The following PELP1 variants were observed in gnomAD, a reference collection of about 807,000 sequenced individuals.
PELP1 encodes the protein proline-, glutamic acid- and leucine-rich protein 1.
A neutral mutation model predicts 95.5 loss-of-function variants in PELP1; 32 were observed. That is an observed-to-expected ratio of 0.34 (90% CI 0.25 to 0.45). PELP1 has a LOEUF of 0.45. Among genes scored for constraint, PELP1 ranks in the 20% least tolerant of loss-of-function variants. PELP1 has a pLI of 1.00. For missense variants in PELP1, 1,358 were observed against 1,444.8 expected (o/e 0.94, Z 0.97); for synonymous variants, 668 against 600.1 (o/e 1.11, Z -1.65).
Position 4,673,236 on chromosome 17 carries a change from C to A in PELP1, c.1845+14G>T. The A allele has an allele frequency of 6.4e-7, 1 of 1,559,386 alleles. No homozygotes were observed. The highest frequency in any genetic ancestry group is 8.7e-7 in the Non-Finnish European group (1 of 1,150,180). ...CTCCAGGAACCAAAGAGGGGCTTGG[C>A]CCATCACAGTTACCTCAAGGCTATC... On this transcript the variant is annotated intron_variant, in intron 15 of 16. Coordinates refer to ENST00000572293, the MANE Select transcript of PELP1 (RefSeq NM_014389.3). This position sits in a 1 kb window ranked among gnomAD's most constrained non-coding sequence, Gnocchi z 5.7.
At chr17:4,679,947 G>T (rs537388689) in intron 5 of PELP1, among the ~76,000 whole-genome samples, 1 of 152,242 alleles carries the variant, frequency 6.6e-6, no homozygotes, top group African/African-American at 2.4e-5. Flanking sequence ...TGATCACAGC[G>T]CTCAGGCCGA....
chr17:4,691,693 A>G, intron 1 of PELP1: 1 of 494,602 alleles, frequency 2.0e-6, no homozygotes, highest in Non-Finnish European at 3.6e-6. Flanking sequence ...AGTAGTGCCA[A>G]ACACAGGACA....
At chr17:4,698,391 G>A (rs1403507448) in intron 1 of PELP1, among the ~76,000 whole-genome samples, 1 of 151,796 alleles carries the variant, frequency 6.6e-6, no homozygotes, top group African/African-American at 2.4e-5. Context: ...CCAGCACTTC[G>A]GGAGGACAAC....
At chr17:4,682,712 A>T in intron 4 of PELP1, 91 bp downstream of exon 4, 1 of 1,459,998 alleles carries the variant, frequency 6.8e-7, no homozygotes, top group Non-Finnish European at 9.3e-7. Context: ...CTTCAATCCT[A>T]TTCCCCAGTC....
In PELP1 at chr17:4,676,741, C is replaced by A. The variant is rs769830631; in HGVS notation, c.702+12G>T. 1 of 1,563,616 alleles carries A rather than the reference C, an allele frequency of 6.4e-7. No homozygotes were observed. The highest frequency in any genetic ancestry group is 1.2e-5 in the South Asian group (1 of 84,970). On this transcript the variant is annotated intron_variant, in intron 6 of 16. Coordinates refer to ENST00000572293, the MANE Select transcript of PELP1 (RefSeq NM_014389.3). ...GATCCCCGGGCTCTCCCTCTCCCTC[C>A]CTGCCCTTTACCTGTTGGAGCTGAG...
Position 4,673,502 on chromosome 17 carries a change from A to AC in PELP1, c.1639-47dup, listed in dbSNP as rs1363323831. ...CTGGAAACATCCCCAAGACCACCCA[A>AC]CCCTTCTCCAGAGCCTACTCCCAGG... On this transcript the variant is annotated intron_variant, in intron 14 of 16. Transcript: ENST00000572293. This position sits in a 1 kb window ranked among gnomAD's most constrained non-coding sequence, Gnocchi z 5.7. 3.2e-6 allele frequency: 5 copies of AC among 1,561,902 alleles called. No homozygotes were observed. In the South Asian group the frequency reaches 5.6e-5, roughly 18 times the overall value.
At chr17:4,681,854 A>T (rs1276962414) in intron 5 of PELP1, among the ~76,000 whole-genome samples, 2 of 151,208 alleles carry the variant, frequency 1.3e-5, no homozygotes, top group African/African-American at 4.9e-5. Context: ...TAAAAATTTA[A>T]AAAAAAAATG....
In PELP1 at chr17:4,675,475, CCT is replaced by C; in HGVS notation, c.1069-115_1069-114del. The C allele has an allele frequency of 1.3e-6, 1 of 757,900 alleles. No individual in the cohort carries two copies. Among genetic ancestry groups the C allele is most frequent in the Non-Finnish European group, 2.3e-6 (1 of 434,730 alleles). The allele number at this position is 757,900 out of a possible 1,614,324, so 46.9% of individuals were successfully genotyped here. ...GTACACATAGGTAAGAAACCCAACC[CCT>C]GATCTCAGCTCTCCCAACAAAATCA... On this transcript the variant is annotated intron_variant, in intron 9 of 16. Coordinates refer to ENST00000572293, the MANE Select transcript of PELP1 (RefSeq NM_014389.3). The surrounding 1 kb of genome is among the most constrained non-coding windows in gnomAD (Gnocchi z 4.3).
Position 4,674,901 on chromosome 17 carries a change from C to A in PELP1, c.1330G>T (p.Ala444Ser). ...ILELWVQVCG[A>S]SAGMLQGGAS... The stretch of plus-strand genomic sequence containing the variant: ...CCTCCCTGAAGCATTCCCGCCGAGG[C>A]CCCACAAACCTGCACCCACAGCTCT... Residue 444 changes from alanine (A) to serine (S), a missense_variant, in exon 12 of 17, where the codon GCC becomes TCC. Around this residue, in one of 7 missense-constraint regions of PELP1, gnomAD observed 538 missense variants for 628.1 expected, o/e 0.86. Transcript: ENST00000572293. 6.2e-7 allele frequency: 1 copy of A among 1,613,716 alleles called. No individual in the cohort carries two copies. Among genetic ancestry groups the A allele is most frequent in the South Asian group, 1.1e-5 (1 of 91,080 alleles).
At chr17:4,671,646 G>T in intron 16 of PELP1, 45 bp downstream of exon 16, 3 of 1,600,608 alleles carry the variant, frequency 1.9e-6, no homozygotes, top group Non-Finnish European at 2.6e-6. Flanking sequence ...TCTCCCGCCA[G>T]CCCCACCTTC....
chr17:4,672,155 C>G lies in PELP1; in HGVS notation c.2836G>C (p.Glu946Gln). ...EEEEGELEEE[E>Q]EEEDEEEEEE... The stretch of plus-strand genomic sequence containing the variant: ...TCCTCCTCCTCATCCTCCTCTTCTT[C>G]TTCTTCCTCTAACTCACCTTCTTCT... Residue 946 changes from glutamate (E) to glutamine (Q), a missense_variant, in exon 16 of 17, where the codon GAA becomes CAA. Transcript: ENST00000572293. 6.4e-7 allele frequency: 1 copy of G among 1,552,280 alleles called. No homozygotes were observed.
At chr17:4,690,424 T>C (rs1436792710) in intron 3 of PELP1, among the ~76,000 whole-genome samples, 1 of 151,702 alleles carries the variant, frequency 6.6e-6, no homozygotes, top group Non-Finnish European at 1.5e-5. Context: ...ACTACTGAAA[T>C]AAAAATATAT....
Position 4,672,813 on chromosome 17 carries a change from G to T in PELP1, c.2178C>A (p.Gly726=). ...LVSVPPRLLP[G]PENHRAGSNE... Reference sequence around the variant, plus strand: ...TTGAGCCTGCCCGGTGGTTCTCAGGGCCAGGAAGAAGCCGGGGAGGGACAG... The same window carrying T: ...TTGAGCCTGCCCGGTGGTTCTCAGGTCCAGGAAGAAGCCGGGGAGGGACAG... Residue 726 remains glycine, a synonymous_variant, in exon 16 of 17, where the codon GGC becomes GGA. Coordinates refer to ENST00000572293, the MANE Select transcript of PELP1 (RefSeq NM_014389.3). The T allele has an allele frequency of 1.2e-6, 2 of 1,613,880 alleles. No individual in the cohort carries two copies. The highest frequency in any genetic ancestry group is 1.7e-6 in the Non-Finnish European group (2 of 1,179,816).
rs142047211 is a variant in PELP1, at chr17:4,695,848, G to A, written c.250-4406C>T. On this transcript the variant is annotated intron_variant, in intron 1 of 16. Coordinates refer to ENST00000572293, the MANE Select transcript of PELP1 (RefSeq NM_014389.3). Reference sequence around the variant, plus strand: ...CTAAAAATACAAAAATTAGCCAGACGTGGTGGTGTGGTTTCACCATATTGG... The same window carrying A: ...CTAAAAATACAAAAATTAGCCAGACATGGTGGTGTGGTTTCACCATATTGG... 4.2e-4 allele frequency among the ~76,000 whole-genome samples: 64 copies of A among 151,442 alleles called. 1 individual carries two copies. In the East Asian group the frequency reaches 0.012, roughly 28 times the overall value.
chr17:4,671,419 G>T lies in PELP1; in HGVS notation c.*20C>A. 8.1e-7 allele frequency: 1 copy of T among 1,238,770 alleles called. No homozygotes were observed. Among genetic ancestry groups the T allele is most frequent in the Non-Finnish European group, 1.2e-6 (1 of 837,252 alleles). The allele number at this position is 1,238,770 out of a possible 1,614,324, so 76.7% of individuals were successfully genotyped here. ...AGGACATAACTTTATTGGAAACAAA[G>T]AGTGGGGTGCAGAAGATGGCTAGGA... On this transcript the variant is annotated 3_prime_UTR_variant, in exon 17 of 17. Transcript: ENST00000572293.
At chr17:4,696,695 AATG>A (rs1913310845) in intron 1 of PELP1, 1 of 152,232 alleles carries the variant, frequency 6.6e-6, no homozygotes, top group Non-Finnish European at 1.5e-5. Context: ...ATTCCAGACA[AATG>A]ATGATGCAGC....
In PELP1 at chr17:4,673,036, G is replaced by C. The variant is rs755239224; in HGVS notation, c.1955C>G (p.Pro652Arg). ...GAAGGGCGATGGGGCCTCAGGAGGGGGAACTGGAGCAGGTGTGGGGCAGGT... is the reference window on the plus strand; with the variant it reads ...GAAGGGCGATGGGGCCTCAGGAGGGCGAACTGGAGCAGGTGTGGGGCAGGT... Reference protein sequence around the residue: ...GPTCPTPAPVPPPEAPSPFRA... With the variant: ...GPTCPTPAPVRPPEAPSPFRA... The change falls in exon 16 of 17, where the codon CCC becomes CGC. Residue 652 changes from proline to arginine, a missense_variant. By Grantham distance (103) the Pro-to-Arg change is moderately radical (BLOSUM62 -2). This residue lies in a region of PELP1 where 340 missense variants were observed against 322.9 expected (regional missense o/e 1.05). Coordinates refer to ENST00000572293, the MANE Select transcript of PELP1 (RefSeq NM_014389.3). This position sits in a 1 kb window ranked among gnomAD's most constrained non-coding sequence, Gnocchi z 5.7. 6.5e-7 allele frequency: 1 copy of C among 1,533,254 alleles called. No homozygotes were observed. Among genetic ancestry groups the C allele is most frequent in the South Asian group, 1.3e-5 (1 of 76,568 alleles). 95.0% of individuals were successfully genotyped at this position (1,533,254 alleles called of 1,614,324 possible). A position where few individuals can be genotyped will look rare whatever the true frequency, so the allele number is the denominator to read the frequency against.
At chr17:4,699,206 C>T (rs375038361) in intron 1 of PELP1, among the ~76,000 whole-genome samples, 4 of 152,132 alleles carry the variant, frequency 2.6e-5, no homozygotes, top group African/African-American at 4.8e-5. Flanking sequence ...GGTGAAACCC[C>T]GTCTCCACTA....
chr17:4,674,370 A>T (rs1912361998), intron 13 of PELP1, 140 bp downstream of exon 13: 1 of 717,054 alleles, frequency 1.4e-6, no homozygotes, highest in African/African-American at 1.8e-5. Flanking sequence ...GGGATCACTT[A>T]TCGCAGTGGA....
Sources: allele counts gnomAD v4.1 joint callset (sites outside exome capture counted in the v4.1 genomes callset), GRCh38; gene constraint gnomAD v4.1.1; regional missense constraint gnomAD v4.1.1; non-coding constraint Gnocchi (gnomAD v3.1); transcripts MANE v1.5; gene names NCBI Gene and HGNC (gene_info 2026-07-23, HGNC 2026-07-21).